The following PTGER3 variants were observed in gnomAD, a reference collection of about 807,000 sequenced individuals.
PTGER3 encodes prostaglandin E2 receptor EP3 subtype.
In PTGER3, 22 loss-of-function variants were observed where a neutral mutation model predicts 34.7. That is an observed-to-expected ratio of 0.63 (90% CI 0.45 to 0.91). PTGER3 has a LOEUF of 0.91. PTGER3 is among the 40% of genes least tolerant of loss of function. The pLI is 0.00. For missense variants in PTGER3, 468 were observed against 519.4 expected, an observed-to-expected ratio of 0.90 and a Z score of 0.96; for synonymous variants, 241 against 230.1, an observed-to-expected ratio of 1.05 and a Z score of -0.43.
chr1:70,929,655 G>C (rs1052837408), intron 4 of PTGER3, among the ~76,000 whole-genome samples: 3 of 152,104 alleles, frequency 2.0e-5, no homozygotes, highest in Non-Finnish European at 4.4e-5. Context: ...AGTTCCCAAG[G>C]AATAGCTCTT....
intron 2 of PTGER3, among the ~76,000 whole-genome samples, chr1:70,958,506 T>G (rs989579480): frequency 1.3e-5 from 2 of 152,168 alleles, no homozygotes; most frequent in African/African-American, 4.8e-5. Context: ...TTCAGGTCTT[T>G]TGCCATTTTT....
chr1:70,997,750 T>C (rs1316511195), intron 2 of PTGER3, among the ~76,000 whole-genome samples: 1 of 152,216 alleles, frequency 6.6e-6, no homozygotes, highest in Non-Finnish European at 1.5e-5. Context: ...ATAAGCCACA[T>C]CTGAAGAGGT....
rs5677 is a variant in PTGER3, at chr1:71,011,697, A to C, written c.1077+608T>G. On this transcript the variant is annotated intron_variant, in intron 2 of 3. Transcript: ENST00000306666. Reference sequence around the variant, plus strand: ...TGCTGTATTGAGCAATATTTGAATAATGGTATCGATGAATATTATAAATAC... The same window carrying C: ...TGCTGTATTGAGCAATATTTGAATACTGGTATCGATGAATATTATAAATAC... 1.0e-3 allele frequency: 994 copies of C among 975,090 alleles called. 11 individuals are homozygous for C. In the African/African-American group the frequency reaches 0.016, roughly 16 times the overall value. The allele number at this position is 975,090 out of a possible 1,614,324, so 60.4% of individuals were successfully genotyped here.
intron 3 of PTGER3, among the ~76,000 whole-genome samples, chr1:70,973,596 T>C (rs1356814433): frequency 6.6e-6 from 1 of 152,086 alleles, no homozygotes; most frequent in African/African-American, 2.4e-5. Context: ...TAAAATAAAA[T>C]GAGCATGCTT....
intron 4 of PTGER3, among the ~76,000 whole-genome samples, chr1:70,922,956 A>G (rs534928547): frequency 1.3e-5 from 2 of 152,206 alleles, no homozygotes; most frequent in Non-Finnish European, 2.9e-5. Flanking sequence ...TAAAAGCATA[A>G]CAAGATTTTC....
intron 4 of PTGER3, among the ~76,000 whole-genome samples, chr1:70,919,481 C>T (rs1281399836): frequency 6.6e-6 from 1 of 152,092 alleles, no homozygotes; most frequent in Non-Finnish European, 1.5e-5. Flanking sequence ...TCTTACAAAG[C>T]ATATTTACCT....
chr1:71,006,910 C>T (rs1657017269), intron 2 of PTGER3: 16 of 985,262 alleles, frequency 1.6e-5, no homozygotes, highest in Non-Finnish European at 1.8e-5. Flanking sequence ...ATAAATAACA[C>T]ACATTTATTA....
chr1:70,897,463 C>T (rs1646745753), intron 4 of PTGER3, among the ~76,000 whole-genome samples: 1 of 152,186 alleles, frequency 6.6e-6, no homozygotes, highest in African/African-American at 2.4e-5. Flanking sequence ...CACATGGGAT[C>T]AAATAATTGA....
At chr1:70,861,889 T>A (rs1191716169) in intron 4 of PTGER3, among the ~76,000 whole-genome samples, 1 of 152,122 alleles carries the variant, frequency 6.6e-6, no homozygotes, top group Non-Finnish European at 1.5e-5. Flanking sequence ...TAAGAACTTC[T>A]ATTTCATAAT....
intron 4 of PTGER3, among the ~76,000 whole-genome samples, chr1:70,898,727 C>A (rs1177872125): frequency 6.6e-6 from 1 of 152,102 alleles, no homozygotes; most frequent in Non-Finnish European, 1.5e-5. Flanking sequence ...TATTTATATT[C>A]TGGAGTTTTT....
At chr1:70,909,505 C>T (rs960026156) in intron 4 of PTGER3, among the ~76,000 whole-genome samples, 1 of 152,142 alleles carries the variant, frequency 6.6e-6, no homozygotes, top group Non-Finnish European at 1.5e-5. Flanking sequence ...TCTCAGAAGG[C>T]CCCATAAAAG....
chr1:71,012,439 A>C lies in PTGER3; in HGVS notation c.943T>G (p.Cys315Gly). 6.2e-7 allele frequency: 1 copy of C among 1,614,144 alleles called. No individual in the cohort carries two copies. Among genetic ancestry groups the C allele is most frequent in the Admixed American group, 1.7e-5 (1 of 60,020 alleles). ...MIFNQTSVEH[C>G]KTHTEKQKEC... ...TTCTGCTTCTCCGTGTGTGTCTTGC[A>C]GTGCTCAACTGATGTCTGATTGAAG... The change falls in exon 2 of 4, where the codon TGC becomes GGC. Residue 315 changes from cysteine to glycine, a missense_variant. Coordinates refer to ENST00000306666, the MANE Select transcript of PTGER3 (RefSeq NM_198719.2).
At chr1:70,919,112 T>C (rs985755624) in intron 4 of PTGER3, among the ~76,000 whole-genome samples, 1 of 152,116 alleles carries the variant, frequency 6.6e-6, no homozygotes, top group African/African-American at 2.4e-5. Context: ...ATGGGCTCTA[T>C]ATTTCTTTTA....
At chr1:70,995,095 G>A (rs1165705437) in intron 2 of PTGER3, among the ~76,000 whole-genome samples, 1 of 152,060 alleles carries the variant, frequency 6.6e-6, no homozygotes, top group Non-Finnish European at 1.5e-5. Flanking sequence ...TACAAAAGAG[G>A]GAATCAGTAA....
chr1:71,011,953 C>A, intron 2 of PTGER3: 1 of 1,272,224 alleles, frequency 7.9e-7, no homozygotes, highest in Non-Finnish European at 9.9e-7. Flanking sequence ...AAAATGTTTT[C>A]ATCACATAAT....
At chr1:70,868,847 C>G (rs538215441) in intron 4 of PTGER3, among the ~76,000 whole-genome samples, 1 of 152,132 alleles carries the variant, frequency 6.6e-6, no homozygotes, top group East Asian at 1.9e-4. Context: ...AAATACAATG[C>G]CATAGTGGGA....
exon 4 of PTGER3, chr1:70,952,619 A>G (rs1436186479): frequency 1.9e-6 from 2 of 1,046,234 alleles, no homozygotes; most frequent in African/African-American, 3.4e-5. Context: ...CAGCATGCAT[A>G]TGAAAAAATT....
chr1:70,927,823 A>G (rs1220376836), intron 4 of PTGER3, among the ~76,000 whole-genome samples: 1 of 152,122 alleles, frequency 6.6e-6, no homozygotes, highest in Non-Finnish European at 1.5e-5. Flanking sequence ...CTCCAGATAC[A>G]TCAAGTAAAA....
intron 2 of PTGER3, among the ~76,000 whole-genome samples, chr1:70,960,360 G>A (rs930460648): frequency 6.6e-6 from 1 of 152,064 alleles, no homozygotes; most frequent in Non-Finnish European, 1.5e-5. Flanking sequence ...CATTGAGTGG[G>A]AATATTTGCA....
Sources: gnomAD v4.1 joint callset for allele counts (sites outside exome capture counted in the v4.1 genomes callset) on GRCh38, gnomAD v4.1.1 for gene constraint, MANE v1.5 for transcripts, NCBI Gene and HGNC (gene_info 2026-07-23, HGNC 2026-07-21) for gene names.